The following SRPK1 variants were observed in gnomAD, a reference collection of about 807,000 sequenced individuals.
SRPK1 encodes SRSF protein kinase 1.
Under a neutral mutation model 89.5 loss-of-function variants are expected in SRPK1, and 52 were observed. The ratio of observed to expected loss-of-function variants is 0.58; its 90% confidence interval spans 0.46 to 0.73. The LOEUF (loss-of-function observed/expected upper bound fraction) is 0.73, where lower values mean the gene tolerates loss of function less well. Among genes scored for constraint, SRPK1 ranks in the 30% least tolerant of loss-of-function variants. The pLI is 0.00. For missense variants in SRPK1, 603 were observed against 780.6 expected, an observed-to-expected ratio of 0.77 and a Z score of 2.71; for synonymous variants, 255 against 270.2, an observed-to-expected ratio of 0.94 and a Z score of 0.55.
chr6:35,889,376 G>A (rs746359342), intron 3 of SRPK1, among the ~76,000 whole-genome samples: 10 of 152,058 alleles, frequency 6.6e-5, no homozygotes, highest in Non-Finnish European at 1.0e-4. Context: ...GCCCAGGCAC[G>A]GTGGCTCATG....
At chr6:35,900,985 T>A (rs902180117) in intron 2 of SRPK1, among the ~76,000 whole-genome samples, 2 of 152,088 alleles carry the variant, frequency 1.3e-5, no homozygotes, top group Non-Finnish European at 2.9e-5. Flanking sequence ...GAGATTTCCA[T>A]CTCTTAAATA....
At chr6:35,914,229 A>G (rs1771041805) in intron 2 of SRPK1, among the ~76,000 whole-genome samples, 1 of 152,120 alleles carries the variant, frequency 6.6e-6, no homozygotes, top group Non-Finnish European at 1.5e-5. Flanking sequence ...CACACGCCTC[A>G]GCCTCCCAAA....
chr6:35,855,583 C>A (rs373016415), intron 13 of SRPK1, among the ~76,000 whole-genome samples: 3 of 152,122 alleles, frequency 2.0e-5, no homozygotes, highest in South Asian at 2.1e-4. Flanking sequence ...ATTTATTAAA[C>A]CCTGTTGAAT....
intron 2 of SRPK1, among the ~76,000 whole-genome samples, chr6:35,915,200 G>A (rs112978908): frequency 2.6e-5 from 4 of 152,046 alleles, no homozygotes; most frequent in Admixed American, 1.3e-4. Context: ...TCAGGAGATC[G>A]AGACCATCTC....
chr6:35,840,796 G>A (rs1376480894), intron 14 of SRPK1, among the ~76,000 whole-genome samples: 1 of 152,142 alleles, frequency 6.6e-6, no homozygotes. Context: ...GCTCTTATAG[G>A]TCAAACTGCA....
chr6:35,913,863 C>T (rs959011932), intron 2 of SRPK1, among the ~76,000 whole-genome samples: 6 of 150,102 alleles, frequency 4.0e-5, no homozygotes, highest in East Asian at 1.9e-4. Context: ...AAATTTGCCA[C>T]GGTTTTAAAA....
intron 2 of SRPK1, chr6:35,904,914 A>G: frequency 4.8e-6 from 2 of 418,302 alleles, no homozygotes; most frequent in South Asian, 3.4e-5. Flanking sequence ...CAAGGTGGTG[A>G]GAGGATCCCT....
Position 35,857,265 on chromosome 6 carries a change from C to G in SRPK1, c.1616G>C (p.Cys539Ser). The change falls in exon 13 of 16, where the codon TGC (cysteine) becomes TCC (serine). Residue 539 changes from cysteine to serine, a missense_variant. Coordinates refer to ENST00000373825, the MANE Select transcript of SRPK1 (RefSeq NM_003137.5). Reference protein sequence around the residue: ...NTPADIWSTACMAFELATGDY... With the variant: ...NTPADIWSTASMAFELATGDY... ...GCCAAGGGGAAAAAACATTACCATG[C>G]ATGCCGTGCTCCAAATGTCAGCAGG... 1.2e-6 allele frequency: 2 copies of G among 1,609,918 alleles called. No individual in the cohort carries two copies. Among genetic ancestry groups the G allele is most frequent in the Non-Finnish European group, 1.7e-6 (2 of 1,177,290 alleles).
chr6:35,880,461 G>A (rs886190811), intron 6 of SRPK1, among the ~76,000 whole-genome samples: 8 of 151,890 alleles, frequency 5.3e-5, no homozygotes, highest in Non-Finnish European at 1.0e-4. Context: ...GGTGGCTCAC[G>A]CCTGTAATCC....
intron 11 of SRPK1, 92 bp from the exon 12 acceptor site, chr6:35,869,202 T>C: frequency 5.6e-6 from 6 of 1,075,218 alleles, no homozygotes; most frequent in Non-Finnish European, 8.1e-6. Context: ...AGTAATACAG[T>C]CAGCAATACC....
chr6:35,892,819 G>C (rs1368343577), intron 2 of SRPK1, among the ~76,000 whole-genome samples: 1 of 152,044 alleles, frequency 6.6e-6, no homozygotes, highest in African/African-American at 2.4e-5. Flanking sequence ...TGTTTCATCA[G>C]ATTATTTTTT....
In SRPK1 at chr6:35,920,448, T is replaced by C. The variant is rs766480782; in HGVS notation, c.74+20A>G. The stretch of plus-strand genomic sequence containing the variant: ...CCGGAGGAAAATCCAAAGAATGGGA[T>C]GTTGGGGTACAAGACTCACTTCCTT... On this transcript the variant is annotated intron_variant, in intron 2 of 15. Coordinates refer to ENST00000373825, the MANE Select transcript of SRPK1 (RefSeq NM_003137.5). 2.5e-6 allele frequency: 4 copies of C among 1,611,150 alleles called. No homozygotes were observed. The African/African-American group carries it at 4.0e-5, about 16-fold the overall frequency.
rs1554157778 is a variant in SRPK1 at position 35,912,181 on chromosome 6, A to AAAAAAAT, written c.74+8280_74+8286dup. ...TGAGATTCCATCCCTTAAAAAAAATAAAAAAATAAAAAATAAAAAATGAGC... is the reference window on the plus strand; with the variant it reads ...TGAGATTCCATCCCTTAAAAAAAATAAAAAAATAAAAAATAAAAAATAAAAAATGAGC... On this transcript the variant is annotated intron_variant, in intron 2 of 15. Coordinates refer to ENST00000373825, the MANE Select transcript of SRPK1 (RefSeq NM_003137.5). Among the ~76,000 whole-genome samples, 15 of 152,078 alleles carry AAAAAAAT rather than the reference A, an allele frequency of 9.9e-5. No individual in the cohort carries two copies. The East Asian group carries it at 2.7e-3, about 27-fold the overall frequency.
chr6:35,900,088 A>G (rs565944751), intron 2 of SRPK1, among the ~76,000 whole-genome samples: 2 of 152,300 alleles, frequency 1.3e-5, no homozygotes, highest in South Asian at 2.1e-4. Context: ...ACCAGAAAGC[A>G]GAGATGTTGG....
At chr6:35,905,095 T>G in intron 2 of SRPK1, 1 of 304,820 alleles carries the variant, frequency 3.3e-6, no homozygotes, top group Non-Finnish European at 6.3e-6. Flanking sequence ...TGCAGTGACC[T>G]ATGATCACAC....
intron 11 of SRPK1, 84 bp from the exon 12 acceptor site, chr6:35,869,194 T>A: frequency 8.5e-7 from 1 of 1,182,868 alleles, no homozygotes; most frequent in Non-Finnish European, 1.2e-6. Context: ...AAGGTAAGAG[T>A]AATACAGTCA....
rs34158380 is a variant in SRPK1, at chr6:35,892,653, A to AAACAAC, written c.75-1646_75-1641dup. ...GGCAACAGGGCAAGATTCTGTCTAA[A>AAACAAC]AACAACAACAACAACAACAACAACA... On this transcript the variant is annotated intron_variant, in intron 2 of 15. Coordinates refer to ENST00000373825, the MANE Select transcript of SRPK1 (RefSeq NM_003137.5). Among the ~76,000 whole-genome samples the AAACAAC allele has an allele frequency of 9.9e-3, 1,471 of 148,514 alleles. 12 individuals are homozygous for AAACAAC. The highest frequency in any genetic ancestry group is 0.042 in the East Asian group (212 of 5,038).
chr6:35,867,223 A>C (rs141086034), intron 12 of SRPK1, among the ~76,000 whole-genome samples: 60 of 152,332 alleles, frequency 3.9e-4, no homozygotes, highest in African/African-American at 1.4e-3. Context: ...CAAGGGCAGC[A>C]GAAGGGAGAA....
In SRPK1 at chr6:35,905,873, T is replaced by C. The variant is rs547565962; in HGVS notation, c.74+14595A>G. On this transcript the variant is annotated intron_variant, in intron 2 of 15. Coordinates refer to ENST00000373825, the MANE Select transcript of SRPK1 (RefSeq NM_003137.5). ...CATGTTTAAGTATAACATGAACTCA[T>C]GATTTTTTTAAATGAAAAAACACAA... Among the ~76,000 whole-genome samples, 46 of 152,336 alleles carry C rather than the reference T, an allele frequency of 3.0e-4. No homozygotes were observed. In the South Asian group the frequency reaches 4.1e-3, roughly 14 times the overall value.
Sources: allele counts gnomAD v4.1 joint callset (sites outside exome capture counted in the v4.1 genomes callset), GRCh38; gene constraint gnomAD v4.1.1; transcripts MANE v1.5; gene names NCBI Gene and HGNC (gene_info 2026-07-23, HGNC 2026-07-21).